Variants in HOXB3 observed in about 807,000 individuals in gnomAD.
HOXB3 encodes the protein homeobox protein Hox-B3.
A neutral mutation model predicts 29.2 loss-of-function variants in HOXB3; 17 were observed. The observed-to-expected ratio is 0.58, with a 90% confidence interval of 0.40 to 0.87. The LOEUF (loss-of-function observed/expected upper bound fraction) is 0.87. Ranked by LOEUF, HOXB3 falls within the 40% of genes least tolerant of loss-of-function variation. HOXB3 has a pLI of 0.00. For synonymous variants in HOXB3, 317 were observed against 285.9 expected (o/e 1.11, Z -1.10); for missense variants, 637 against 616.3 (o/e 1.03, Z -0.35).
rs972436961 is a variant in HOXB3, at chr17:48,549,187, T to C, written c.*1147A>G. ...TAAATACTAAAAAAGTACAATTTTT[T>C]CCTTTTTTTCCCTCATATAAATACA... On this transcript the variant is annotated 3_prime_UTR_variant, in exon 5 of 5. Coordinates refer to ENST00000498678, the MANE Select transcript of HOXB3 (RefSeq NM_001384749.1). 6.6e-6 allele frequency: 1 copy of C among 152,662 alleles called. No homozygotes were observed. Among genetic ancestry groups the C allele is most frequent in the Non-Finnish European group, 1.5e-5 (1 of 68,044 alleles). The allele number at this position is 152,662 out of a possible 1,614,324, so 9.5% of individuals were successfully genotyped here. A position where few individuals can be genotyped will look rare whatever the true frequency, so the allele number is the denominator to read the frequency against.
At chr17:48,585,329 T>C (rs1352266844) in intron 1 of HOXB3, among the ~76,000 whole-genome samples, 1 of 152,172 alleles carries the variant, frequency 6.6e-6, no homozygotes, top group Non-Finnish European at 1.5e-5. Flanking sequence ...AGCAGTAGAA[T>C]GGGCTGACCT....
chr17:48,572,364 C>T (rs1253286384), intron 2 of HOXB3, among the ~76,000 whole-genome samples: 2 of 152,180 alleles, frequency 1.3e-5, no homozygotes, highest in African/African-American at 4.8e-5. Context: ...AATGGGTTGA[C>T]AGGCTGTGGA....
chr17:48,550,655 C>T lies in HOXB3; in HGVS notation c.975G>A (p.Pro325=), dbSNP rs779347466. 10 of 1,524,212 alleles carry T rather than the reference C, an allele frequency of 6.6e-6. No individual in the cohort carries two copies. The highest frequency in any genetic ancestry group is 1.3e-5 in the South Asian group (1 of 76,186). The allele number at this position is 1,524,212 out of a possible 1,614,324, so 94.4% of individuals were successfully genotyped here. A position where few individuals can be genotyped will look rare whatever the true frequency, so the allele number is the denominator to read the frequency against. Residue 325 remains proline, a synonymous_variant, in exon 5 of 5, where the codon CCG becomes CCA. Coordinates refer to ENST00000498678, the MANE Select transcript of HOXB3 (RefSeq NM_001384749.1). ...CGAPQKYPPT[P]APEYEPHVLQ... is the part of the protein sequence containing the mutation. ...GGACGTGCGGCTCATACTCGGGCGC[C>T]GGGGTCGGAGGGTACTTCTGCGGGG...
At chr17:48,575,268 C>G (rs1188711225) in intron 1 of HOXB3, 1 of 152,208 alleles carries the variant, frequency 6.6e-6, no homozygotes, top group Non-Finnish European at 1.5e-5. Flanking sequence ...TCCTTTCAAT[C>G]CATTTTTGGA....
chr17:48,575,718 CATA>C (rs10599517), intron 1 of HOXB3: 24,433 of 152,360 alleles, frequency 0.16, 2,959 homozygotes, highest in African/African-American at 0.34. Context: ...AACGATGCAA[CATA>C]ATAAACTATG....
intron 2 of HOXB3, among the ~76,000 whole-genome samples, chr17:48,573,421 C>T (rs1478396512): frequency 1.3e-5 from 2 of 152,164 alleles, no homozygotes; most frequent in Non-Finnish European, 2.9e-5. Flanking sequence ...ACACCAGTAC[C>T]CAGTGTAGAC....
chr17:48,585,968 A>G (rs1193796912), intron 1 of HOXB3, among the ~76,000 whole-genome samples: 1 of 152,142 alleles, frequency 6.6e-6, no homozygotes, highest in Non-Finnish European at 1.5e-5. Flanking sequence ...CCCTAGATGC[A>G]TTCAGCCCTA....
intron 2 of HOXB3, among the ~76,000 whole-genome samples, chr17:48,561,183 A>AACAC (rs530713063): frequency 0.046 from 5,805 of 125,356 alleles, 169 homozygotes; most frequent in Middle Eastern, 0.088. Context: ...TCCGTCTCAA[A>AACAC]ACACACACAC....
At chr17:48,575,480 C>G (rs1057178754) in intron 1 of HOXB3, 3 of 152,196 alleles carry the variant, frequency 2.0e-5, no homozygotes, top group Non-Finnish European at 4.4e-5. Context: ...CATATCTTTA[C>G]GCCAATGTTT....
chr17:48,570,478 G>A lies in HOXB3; in HGVS notation c.-247+3359C>T, dbSNP rs765024359. ...GGAGGCAGCCAGGACCACAGCCTCC[G>A]GGGCAGGCAGGGAATCCAGGAAGAA... On this transcript the variant is annotated intron_variant, in intron 2 of 4. Transcript: ENST00000498678. Among the ~76,000 whole-genome samples, 32 of 152,288 alleles carry A rather than the reference G, an allele frequency of 2.1e-4. 1 individual carries two copies. The highest frequency in any genetic ancestry group is 3.5e-4 in the Non-Finnish European group (24 of 68,014).
chr17:48,581,255 A>G (rs1394242892), intron 1 of HOXB3: 4 of 152,200 alleles, frequency 2.6e-5, no homozygotes, highest in Admixed American at 1.3e-4. Context: ...GGAATTGCCA[A>G]TGTTGGCCTC....
chr17:48,550,777 T>G lies in HOXB3; in HGVS notation c.853A>C (p.Ser285Arg). 2.5e-6 allele frequency: 4 copies of G among 1,605,470 alleles called. No homozygotes were observed. The South Asian group carries it at 3.3e-5, about 13-fold the overall frequency. The change falls in exon 5 of 5, where the codon AGC becomes CGC. Residue 285 changes from serine (S) to arginine (R), a missense_variant. Physicochemically the swap from Ser to Arg is moderately radical, Grantham distance 110. Coordinates refer to ENST00000498678, the MANE Select transcript of HOXB3 (RefSeq NM_001384749.1). ...FMNALHSMTPSYESPSPPAFG... is the reference protein window; with the variant it reads ...FMNALHSMTPRYESPSPPAFG... ...GCGGGTGGGGACGGGCTCTCGTAGCTGGGGGTCATGGAGTGTAAGGCGTTC... is the reference window on the plus strand; with the variant it reads ...GCGGGTGGGGACGGGCTCTCGTAGCGGGGGGTCATGGAGTGTAAGGCGTTC...
chr17:48,576,407 GCCT>G (rs916412406), intron 1 of HOXB3: 3 of 258,598 alleles, frequency 1.2e-5, no homozygotes, highest in African/African-American at 2.2e-5. Context: ...AGGAGCTGCA[GCCT>G]CCTCCTATTT....
chr17:48,568,607 ACTCG>A (rs2069468825), intron 2 of HOXB3, among the ~76,000 whole-genome samples: 1 of 151,242 alleles, frequency 6.6e-6, no homozygotes, highest in African/African-American at 2.4e-5. Flanking sequence ...AAACAACACA[ACTCG>A]CTCACAAACA....
chr17:48,576,872 G>C (rs761031489), intron 1 of HOXB3: 5 of 1,614,098 alleles, frequency 3.1e-6, no homozygotes, highest in South Asian at 2.2e-5. Flanking sequence ...TCTGGCGCTC[G>C]GAGAGGCAGA....
intron 4 of HOXB3, 79 bp downstream of exon 4, chr17:48,551,948 T>TA: frequency 7.1e-7 from 1 of 1,400,080 alleles, no homozygotes. Flanking sequence ...CGCGGGCGCC[T>TA]AGGGGCTGGG....
rs1333549721 is a variant in HOXB3 at position 48,573,859 on chromosome 17, C to T, written c.-269G>A. The T allele has an allele frequency of 8.5e-6, 6 of 702,224 alleles. No homozygotes were observed. The highest frequency in any genetic ancestry group is 3.0e-5 in the South Asian group (2 of 67,598). The allele number at this position is 702,224 out of a possible 1,614,324, so 43.5% of individuals were successfully genotyped here. The stretch of plus-strand genomic sequence containing the variant: ...TACCTTTGCGCCTCTCGCCTCCTCT[C>T]GCCCGAACTCTGCAGATCCCATTCA... On this transcript the variant is annotated 5_prime_UTR_variant, in exon 2 of 5. Coordinates refer to ENST00000498678, the MANE Select transcript of HOXB3 (RefSeq NM_001384749.1).
At position 48,550,816 on chromosome 17, in the gene HOXB3, T is replaced by G. The variant is rs746004710; in HGVS notation, c.814A>C (p.Thr272Pro). 2.7e-5 allele frequency: 44 copies of G among 1,613,608 alleles called. No individual in the cohort carries two copies. The South Asian group carries it at 4.8e-4, about 18-fold the overall frequency. Residue 272 changes from threonine to proline, a missense_variant, in exon 5 of 5, where the codon ACG becomes CCG. Transcript: ENST00000498678. ...AGSPPQPMQS[T>P]AGFMNALHSM... ...TGTAAGGCGTTCATGAAGCCGGCCG[T>G]GGACTGCATGGGCTGCGGGGGGCTG...
intron 1 of HOXB3, among the ~76,000 whole-genome samples, chr17:48,587,756 A>G (rs184186486): frequency 1.4e-3 from 217 of 152,290 alleles, no homozygotes; most frequent in African/African-American, 5.2e-3. Flanking sequence ...ACTTCTTTAT[A>G]CTTCCTCCCA....
Sources: gnomAD v4.1 joint callset for allele counts (sites outside exome capture counted in the v4.1 genomes callset) on GRCh38, gnomAD v4.1.1 for gene constraint, MANE v1.5 for transcripts, NCBI Gene and HGNC (gene_info 2026-07-23, HGNC 2026-07-21) for gene names.